Variants in ZZZ3 observed in about 807,000 individuals in gnomAD.
The protein encoded by ZZZ3 is ZZ-type zinc finger-containing protein 3.
In ZZZ3, 22 loss-of-function variants were observed where a neutral mutation model predicts 95.2. That is an observed-to-expected ratio of 0.23 (90% CI 0.17 to 0.33). ZZZ3 has a LOEUF of 0.33. Among genes scored for constraint, ZZZ3 ranks in the 10% least tolerant of loss-of-function variants. The pLI is 1.00. For synonymous variants in ZZZ3, 335 were observed against 358.9 expected (o/e 0.93, Z 0.75); for missense variants, 885 against 1,066.5 (o/e 0.83, Z 2.37).
At chr1:77,668,169 T>G (rs962927494) in intron 1 of ZZZ3, among the ~76,000 whole-genome samples, 9 of 152,244 alleles carry the variant, frequency 5.9e-5, no homozygotes, top group Admixed American at 5.2e-4. Context: ...AATGGAATTT[T>G]TTTTGTAATT....
chr1:77,566,405 T>C (rs750880785), intron 13 of ZZZ3, among the ~76,000 whole-genome samples: 3 of 152,160 alleles, frequency 2.0e-5, no homozygotes, highest in Admixed American at 1.3e-4. Flanking sequence ...GAGAGGAACA[T>C]TGGAAGGGAT....
At chr1:77,616,213 T>C (rs1183695411) in intron 5 of ZZZ3, among the ~76,000 whole-genome samples, 5 of 152,220 alleles carry the variant, frequency 3.3e-5, no homozygotes, top group Non-Finnish European at 5.9e-5. Flanking sequence ...ATTGGCTTCA[T>C]AGTTTCTGAG....
At chr1:77,659,394 T>C (rs1280859481) in intron 1 of ZZZ3, among the ~76,000 whole-genome samples, 1 of 151,728 alleles carries the variant, frequency 6.6e-6, no homozygotes, top group Admixed American at 6.6e-5. Context: ...CCAGGTGTGG[T>C]AGCTCACTCC....
At chr1:77,663,830 C>T (rs552429598) in intron 1 of ZZZ3, among the ~76,000 whole-genome samples, 6 of 151,652 alleles carry the variant, frequency 4.0e-5, no homozygotes, top group Admixed American at 6.6e-5. Context: ...CTCACCGCAA[C>T]CCTCCACCTC....
chr1:77,663,402 T>C (rs1399047399), intron 1 of ZZZ3, among the ~76,000 whole-genome samples: 1 of 152,166 alleles, frequency 6.6e-6, no homozygotes, highest in African/African-American at 2.4e-5. Flanking sequence ...ATTACAGCCC[T>C]GCATTACCTG....
intron 12 of ZZZ3, among the ~76,000 whole-genome samples, chr1:77,572,575 T>C (rs943092214): frequency 2.6e-5 from 4 of 151,996 alleles, no homozygotes; most frequent in Non-Finnish European, 5.9e-5. Flanking sequence ...CCTGACCTCA[T>C]GATTCATCTG....
chr1:77,608,391 A>G (rs1665459761), intron 5 of ZZZ3, among the ~76,000 whole-genome samples: 1 of 152,248 alleles, frequency 6.6e-6, no homozygotes, highest in Non-Finnish European at 1.5e-5. Context: ...TTACCCTAGA[A>G]TAGTATATGC....
At chr1:77,664,841 A>T (rs1190328298) in intron 1 of ZZZ3, among the ~76,000 whole-genome samples, 1 of 152,228 alleles carries the variant, frequency 6.6e-6, no homozygotes, top group Non-Finnish European at 1.5e-5. Flanking sequence ...CTATTAATGA[A>T]ATGTTCTTAA....
At chr1:77,634,393 T>C (rs949410767) in intron 4 of ZZZ3, among the ~76,000 whole-genome samples, 3 of 152,166 alleles carry the variant, frequency 2.0e-5, no homozygotes, top group African/African-American at 7.2e-5. Flanking sequence ...TATTGCAGTA[T>C]AATTTTTCAT....
chr1:77,569,279 G>A (rs1237644378), intron 12 of ZZZ3, among the ~76,000 whole-genome samples: 1 of 151,794 alleles, frequency 6.6e-6, no homozygotes, highest in Non-Finnish European at 1.5e-5. Flanking sequence ...GGAGGTTGCA[G>A]TGAGCCAAGA....
Position 77,682,610 on chromosome 1 carries a change from G to C in ZZZ3, c.-428C>G, listed in dbSNP as rs1051427833. ...CTTGTAGAAAGAGTTGCAGGTCCCA[G>C]GCCCCCGGAACCCAAGGCTCCGCCA... is the stretch of plus-strand genomic sequence containing the variant. On this transcript the variant is annotated 5_prime_UTR_variant, in exon 1 of 15. Coordinates refer to ENST00000370801, the MANE Select transcript of ZZZ3 (RefSeq NM_015534.6). 1 of 152,234 alleles carries C rather than the reference G, an allele frequency of 6.6e-6. No individual in the cohort carries two copies. Among genetic ancestry groups the C allele is most frequent in the Non-Finnish European group, 1.5e-5 (1 of 68,094 alleles). The allele number at this position is 152,234 out of a possible 1,614,324, so 9.4% of individuals were successfully genotyped here.
intron 9 of ZZZ3, chr1:77,580,569 A>C (rs560355214): frequency 6.6e-6 from 1 of 152,622 alleles, no homozygotes; most frequent in Admixed American, 6.5e-5. Context: ...AAATAAGCCT[A>C]AATATTTAAA....
chr1:77,575,170 C>T (rs530659922), intron 12 of ZZZ3, among the ~76,000 whole-genome samples: 48 of 151,826 alleles, frequency 3.2e-4, no homozygotes, highest in African/African-American at 9.4e-4. Context: ...GGCGACAGAG[C>T]GAGACTCTGC....
intron 1 of ZZZ3, among the ~76,000 whole-genome samples, chr1:77,654,822 C>T (rs1161996969): frequency 1.3e-5 from 2 of 152,090 alleles, no homozygotes; most frequent in Non-Finnish European, 2.9e-5. Flanking sequence ...TTCTTCCTTT[C>T]TTTCTTTTTA....
At chr1:77,572,217 T>G (rs545687987) in intron 12 of ZZZ3, among the ~76,000 whole-genome samples, 1 of 152,238 alleles carries the variant, frequency 6.6e-6, no homozygotes, top group African/African-American at 2.4e-5. Flanking sequence ...TTTAAATAAA[T>G]AAACTCAACA....
chr1:77,579,219 T>C (rs1662263085), intron 10 of ZZZ3, among the ~76,000 whole-genome samples: 4 of 152,164 alleles, frequency 2.6e-5, no homozygotes, highest in Admixed American at 2.6e-4. Flanking sequence ...ACTAAGGCAA[T>C]GAAACAAATC....
chr1:77,572,281 C>CAA (rs1282329984), intron 12 of ZZZ3, among the ~76,000 whole-genome samples: 2 of 152,166 alleles, frequency 1.3e-5, no homozygotes, highest in Non-Finnish European at 2.9e-5. Flanking sequence ...GCCAATTTGT[C>CAA]AAACTGTACC....
intron 5 of ZZZ3, among the ~76,000 whole-genome samples, chr1:77,603,061 C>T (rs973651770): frequency 6.6e-6 from 1 of 151,752 alleles, no homozygotes; most frequent in Non-Finnish European, 1.5e-5. Flanking sequence ...CAGAACATAC[C>T]TATTTCTTTA....
chr1:77,577,760 G>A (rs1335650039), intron 11 of ZZZ3, among the ~76,000 whole-genome samples: 2 of 152,114 alleles, frequency 1.3e-5, no homozygotes, highest in Admixed American at 1.3e-4. Flanking sequence ...AGCTGGGACT[G>A]CAGGTGCGTG....
Sources: allele counts gnomAD v4.1 joint callset (sites outside exome capture counted in the v4.1 genomes callset), GRCh38; gene constraint gnomAD v4.1.1; transcripts MANE v1.5; gene names NCBI Gene and HGNC (gene_info 2026-07-23, HGNC 2026-07-21).